The following PCDHGB1 variants were observed in gnomAD, a reference collection of about 807,000 sequenced individuals.
The protein encoded by PCDHGB1 is protocadherin gamma subfamily B, 1.
In PCDHGB1, 34 loss-of-function variants were observed where a neutral mutation model predicts 56.6. The ratio of observed to expected loss-of-function variants is 0.60; its 90% confidence interval spans 0.46 to 0.80. The LOEUF (loss-of-function observed/expected upper bound fraction) is 0.80, where lower values mean the gene tolerates loss of function less well. Among genes scored for constraint, PCDHGB1 ranks in the 30% least tolerant of loss-of-function variants. The pLI is 0.00. For missense variants in PCDHGB1, 1,278 were observed against 1,204.6 expected, an observed-to-expected ratio of 1.06 and a Z score of -0.90; for synonymous variants, 561 against 505.9, an observed-to-expected ratio of 1.11 and a Z score of -1.46.
chr5:141,402,979 C>G (rs372858164), intron 1 of PCDHGB1: 9 of 1,608,716 alleles, frequency 5.6e-6, no homozygotes, highest in Non-Finnish European at 7.6e-6. Flanking sequence ...AATGCCAGCT[C>G]CGCGGAAGAT....
At chr5:141,416,119 T>G (rs930613185) in intron 1 of PCDHGB1, 1 of 155,364 alleles carries the variant, frequency 6.4e-6, no homozygotes, top group Admixed American at 6.5e-5. Flanking sequence ...AACTACATTT[T>G]ATATATTTTT....
Position 141,431,614 on chromosome 5 carries a change from C to G in PCDHGB1, c.2410-63193C>G. ...TGAGGTATTCCTTCCGGTATGTGGACGACAAGGCGGCCCAAGTTTTCAAAC... is the reference window on the plus strand; with the variant it reads ...TGAGGTATTCCTTCCGGTATGTGGAGGACAAGGCGGCCCAAGTTTTCAAAC... On this transcript the variant is annotated intron_variant, in intron 1 of 3. Coordinates refer to ENST00000523390, the MANE Select transcript of PCDHGB1 (RefSeq NM_018922.3). This position sits in a 1 kb window ranked among gnomAD's most constrained non-coding sequence, Gnocchi z 4.8. 6.2e-7 allele frequency: 1 copy of G among 1,614,206 alleles called. No homozygotes were observed. The highest frequency in any genetic ancestry group is 1.1e-5 in the South Asian group (1 of 91,092).
chr5:141,494,449 G>A (rs185095384), intron 1 of PCDHGB1, among the ~76,000 whole-genome samples: 2 of 152,254 alleles, frequency 1.3e-5, no homozygotes, highest in East Asian at 3.9e-4. Flanking sequence ...CACTTTAGGG[G>A]GCTTTGTCTG....
intron 1 of PCDHGB1, among the ~76,000 whole-genome samples, chr5:141,479,979 T>C (rs67253891): frequency 0.061 from 9,352 of 152,266 alleles, 334 homozygotes; most frequent in South Asian, 0.12. Context: ...GTTCTACCAT[T>C]TACCAACTAG....
At chr5:141,509,117 G>A (rs1271574654) in intron 3 of PCDHGB1, among the ~76,000 whole-genome samples, 1 of 152,150 alleles carries the variant, frequency 6.6e-6, no homozygotes, top group Admixed American at 6.5e-5. Flanking sequence ...GCGCTGGTGC[G>A]TGAAGAGAAA....
intron 1 of PCDHGB1, among the ~76,000 whole-genome samples, chr5:141,426,098 A>T (rs144349682): frequency 6.6e-6 from 1 of 152,356 alleles, no homozygotes; most frequent in Non-Finnish European, 1.5e-5. Flanking sequence ...TATTCTGTTC[A>T]GTCACAGAAG....
At position 141,477,369 on chromosome 5, in the gene PCDHGB1, A is replaced by G; in HGVS notation, c.2410-17438A>G. The G allele has an allele frequency of 6.2e-7, 1 of 1,614,164 alleles. No individual in the cohort carries two copies. Among genetic ancestry groups the G allele is most frequent in the Non-Finnish European group, 8.5e-7 (1 of 1,180,026 alleles). ...AAAACCAGTGCAGACCTGGATCGGG[A>G]GACTGTGCCAGAATACAACCTCAGC... On this transcript the variant is annotated intron_variant, in intron 1 of 3. Transcript: ENST00000523390. The surrounding 1 kb of genome is among the most constrained non-coding windows in gnomAD (Gnocchi z 4.9).
In PCDHGB1 at chr5:141,350,658, A is replaced by C; in HGVS notation, c.398A>C (p.Lys133Thr). Reference sequence around the variant, plus strand: ...GACAATGCACCACGTTTCGTTGCAAAAGGCATTGACTTAGAAATTTGTGAG... The same window carrying C: ...GACAATGCACCACGTTTCGTTGCAACAGGCATTGACTTAGAAATTTGTGAG... Reference protein sequence around the residue: ...INDNAPRFVAKGIDLEICESA... With the variant: ...INDNAPRFVATGIDLEICESA... The change falls in exon 1 of 4, where the codon AAA (lysine) becomes ACA (threonine). Residue 133 changes from lysine (K) to threonine (T), a missense_variant. Physicochemically the swap from Lys to Thr is moderately conservative, Grantham distance 78. Transcript: ENST00000523390. 6.8e-6 allele frequency: 11 copies of C among 1,614,022 alleles called. No homozygotes were observed. Among genetic ancestry groups the C allele is most frequent in the African/African-American group, 2.7e-5 (2 of 75,052 alleles).
At chr5:141,353,976 C>T (rs942442773) in intron 1 of PCDHGB1, among the ~76,000 whole-genome samples, 6 of 152,192 alleles carry the variant, frequency 3.9e-5, no homozygotes, top group African/African-American at 1.4e-4. Context: ...TGATGTACTG[C>T]TTTATCTCAA....
intron 1 of PCDHGB1, chr5:141,370,699 G>A (rs1767129462): frequency 6.2e-7 from 1 of 1,613,804 alleles, no homozygotes; most frequent in Non-Finnish European, 8.5e-7. Context: ...AAGTCGACGT[G>A]TGTTCTGGAA....
rs61612330 is a variant in PCDHGB1 at position 141,454,796 on chromosome 5, ATTTTTTTT to A, written c.2410-39989_2410-39982del. Reference sequence around the variant, plus strand: ...AAGGAAATAATCCTCCATGGTTCTAATTTTTTTTTTTTTTTTTTTTTTTTTTTTTGAGA... The same window carrying A: ...AAGGAAATAATCCTCCATGGTTCTAATTTTTTTTTTTTTTTTTTTTTGAGA... On this transcript the variant is annotated intron_variant, in intron 1 of 3. Transcript: ENST00000523390. Among the ~76,000 whole-genome samples, 398 of 77,454 alleles carry A rather than the reference ATTTTTTTT, an allele frequency of 5.1e-3. 2 individuals are homozygous for A. The highest frequency in any genetic ancestry group is 0.021 in the African/African-American group (363 of 16,886). 50.8% of individuals were successfully genotyped at this position (77,454 alleles called of 152,430 possible).
rs754410220 is a variant in PCDHGB1, at chr5:141,356,929, C to A, written c.2409+4260C>A. Reference sequence around the variant, plus strand: ...TACTGATGGCTCCACTGGTGTGGAGCTGGCACCCCGCTCCGCAGATTCCGG... The same window carrying A: ...TACTGATGGCTCCACTGGTGTGGAGATGGCACCCCGCTCCGCAGATTCCGG... On this transcript the variant is annotated intron_variant, in intron 1 of 3. Coordinates refer to ENST00000523390, the MANE Select transcript of PCDHGB1 (RefSeq NM_018922.3). 18 of 1,614,216 alleles carry A rather than the reference C, an allele frequency of 1.1e-5. No individual in the cohort carries two copies. The South Asian group carries it at 2.0e-4, about 18-fold the overall frequency.
intron 1 of PCDHGB1, chr5:141,374,067 T>A: frequency 1.3e-6 from 2 of 1,500,346 alleles, no homozygotes; most frequent in Non-Finnish European, 1.8e-6. Context: ...CCCAGAGAAG[T>A]TCCTAATAAG....
At chr5:141,362,700 T>G in intron 1 of PCDHGB1, 6 of 1,033,758 alleles carry the variant, frequency 5.8e-6, no homozygotes, top group Non-Finnish European at 8.2e-6. Context: ...CTAACTGAAT[T>G]TTAAGTGTTT....
chr5:141,380,009 C>T lies in PCDHGB1; in HGVS notation c.2409+27340C>T, dbSNP rs529470373. Among the ~76,000 whole-genome samples the T allele has an allele frequency of 3.4e-5, 5 of 149,132 alleles. No individual in the cohort carries two copies. The South Asian group carries it at 8.7e-4, about 26-fold the overall frequency. ...CCTCCTCCTGGGTTCAAGCGATTCT[C>T]CTGCCTCAGCCTCCCAAGTAGCTGG... On this transcript the variant is annotated intron_variant, in intron 1 of 3. Transcript: ENST00000523390.
intron 2 of PCDHGB1, 102 bp from the exon 3 acceptor site, chr5:141,505,291 G>A (rs2154593677): frequency 1.3e-6 from 2 of 1,565,092 alleles, no homozygotes; most frequent in Non-Finnish European, 1.7e-6. Context: ...TGGGCATGGG[G>A]TAGGGTTAGG....
intron 1 of PCDHGB1, chr5:141,393,064 T>C: frequency 6.2e-7 from 1 of 1,613,630 alleles, no homozygotes. Flanking sequence ...AGCGGCAGCT[T>C]GATCACCGCG....
In PCDHGB1 at chr5:141,352,683, A is replaced by G. The variant is rs1230396001; in HGVS notation, c.2409+14A>G. On this transcript the variant is annotated intron_variant, in intron 1 of 3. Transcript: ENST00000523390. ...TTGTCTTCGCACGTGAGTTTCTGCA[A>G]ATCTAGTTAAATTTTATATATGGCG... 1 of 1,563,666 alleles carries G rather than the reference A, an allele frequency of 6.4e-7. No homozygotes were observed. The highest frequency in any genetic ancestry group is 8.7e-7 in the Non-Finnish European group (1 of 1,153,272).
chr5:141,394,501 T>C (rs768158418), intron 1 of PCDHGB1: 1 of 1,614,216 alleles, frequency 6.2e-7, no homozygotes, highest in Admixed American at 1.7e-5. Context: ...CCCGAGATCC[T>C]GTACCCCGCC....
Sources: allele counts gnomAD v4.1 joint callset (sites outside exome capture counted in the v4.1 genomes callset), GRCh38; gene constraint gnomAD v4.1.1; non-coding constraint Gnocchi (gnomAD v3.1); transcripts MANE v1.5; gene names NCBI Gene and HGNC (gene_info 2026-07-23, HGNC 2026-07-21).